The following FBXO11 variants were observed in gnomAD, a reference collection of about 807,000 sequenced individuals.
FBXO11 encodes the protein F-box protein 11, also known as F-box only protein 11.
Under a neutral mutation model 117.0 loss-of-function variants are expected in FBXO11, and 13 were observed. The observed-to-expected ratio is 0.11, with a 90% confidence interval of 0.07 to 0.18. FBXO11 has a LOEUF of 0.18. Ranked by LOEUF, FBXO11 falls within the 10% of genes least tolerant of loss-of-function variation. The pLI, the probability that FBXO11 is intolerant of heterozygous loss-of-function variation, is 1.00. For missense variants in FBXO11, 767 were observed against 1,164.4 expected, an observed-to-expected ratio of 0.66 and a Z score of 4.97; for synonymous variants, 490 against 380.5, an observed-to-expected ratio of 1.29 and a Z score of -3.35.
chr2:47,820,545 A>C (rs1390140741), intron 13 of FBXO11, 89 bp from the exon 14 acceptor site: 1 of 954,214 alleles, frequency 1.0e-6, no homozygotes, highest in African/African-American at 1.6e-5. Context: ...TAAAATTCTT[A>C]CACTAGAATT....
chr2:47,836,642 T>C (rs984198009), intron 4 of FBXO11, among the ~76,000 whole-genome samples: 1 of 151,600 alleles, frequency 6.6e-6, no homozygotes, highest in African/African-American at 2.4e-5. Flanking sequence ...GCAAAAATTT[T>C]CACAATGTAA....
intron 1 of FBXO11, among the ~76,000 whole-genome samples, chr2:47,892,574 C>T (rs1007365227): frequency 6.6e-6 from 1 of 152,172 alleles, no homozygotes; most frequent in Non-Finnish European, 1.5e-5. Flanking sequence ...AATGCAGAAT[C>T]AGAAAGATTC....
At position 47,832,415 on chromosome 2, in the gene FBXO11, T is replaced by C; in HGVS notation, c.1332A>G (p.Pro444=). ...AGIWVKNHGN[P]IIRRNHIHHG... ...GATGAATATGATTCCGTCTAATAAT[T>C]GGGTTTCCATGATTTTTAACCCAAA... The change falls in exon 11 of 23, where the codon CCA becomes CCG. Residue 444 remains proline, a synonymous_variant. Transcript: ENST00000403359. 1 of 1,613,698 alleles carries C rather than the reference T, an allele frequency of 6.2e-7. No homozygotes were observed. The highest frequency in any genetic ancestry group is 1.7e-4 in the Middle Eastern group (1 of 6,056).
At chr2:47,841,176 C>T (rs1672985682) in intron 1 of FBXO11, among the ~76,000 whole-genome samples, 1 of 151,594 alleles carries the variant, frequency 6.6e-6, no homozygotes, top group African/African-American at 2.4e-5. Flanking sequence ...CCAGCCTGGG[C>T]AACAGAGCAA....
At chr2:47,900,668 G>GTA (rs1437635148) in intron 1 of FBXO11, among the ~76,000 whole-genome samples, 413 of 29,534 alleles carry the variant, frequency 0.014, 2 homozygotes, top group Middle Eastern at 0.05. Flanking sequence ...ACACACGTAC[G>GTA]TATATACACA....
At chr2:47,879,132 T>C (rs531340940) in intron 1 of FBXO11, among the ~76,000 whole-genome samples, 1 of 152,332 alleles carries the variant, frequency 6.6e-6, no homozygotes, top group East Asian at 1.9e-4. Context: ...ATTTTGCCTT[T>C]TTCTTACAGC....
chr2:47,855,687 C>T (rs1397429731), intron 1 of FBXO11, among the ~76,000 whole-genome samples: 3 of 152,052 alleles, frequency 2.0e-5, no homozygotes, highest in Non-Finnish European at 4.4e-5. Flanking sequence ...ACAAAATCAG[C>T]CAGGCATGGT....
chr2:47,847,910 G>A (rs1414001532), intron 1 of FBXO11, among the ~76,000 whole-genome samples: 3 of 151,940 alleles, frequency 2.0e-5, no homozygotes, highest in Non-Finnish European at 2.9e-5. Context: ...GGATCATGAG[G>A]TCAGGAGATT....
intron 1 of FBXO11, among the ~76,000 whole-genome samples, chr2:47,861,151 T>A (rs536616585): frequency 6.6e-6 from 1 of 152,146 alleles, no homozygotes; most frequent in South Asian, 2.1e-4. Context: ...CGCCTGGCCT[T>A]CCCCTATTTT....
intron 1 of FBXO11, among the ~76,000 whole-genome samples, chr2:47,845,537 G>A (rs983796935): frequency 1.3e-5 from 2 of 152,166 alleles, no homozygotes; most frequent in African/African-American, 4.8e-5. Context: ...ACTGTGATAA[G>A]CAGCAAAACA....
chr2:47,875,663 G>C (rs917940563), intron 1 of FBXO11, among the ~76,000 whole-genome samples: 1 of 152,060 alleles, frequency 6.6e-6, no homozygotes, highest in Non-Finnish European at 1.5e-5. Context: ...CTGTAAGATA[G>C]AATAATTTTT....
rs1336568217 is a variant in FBXO11 at position 47,807,052 on chromosome 2, A to G, written c.*1066T>C. On this transcript the variant is annotated 3_prime_UTR_variant, in exon 23 of 23. Coordinates refer to ENST00000403359, the MANE Select transcript of FBXO11 (RefSeq NM_001190274.2). ...ATACTCCACAATATATTAAGTCTAG[A>G]TGTTATGGTACATGCATACACTTTC... 3.4e-6 allele frequency: 2 copies of G among 595,594 alleles called. No individual in the cohort carries two copies. The highest frequency in any genetic ancestry group is 1.9e-5 in the African/African-American group (1 of 53,756). The allele number at this position is 595,594 out of a possible 1,614,324, so 36.9% of individuals were successfully genotyped here.
chr2:47,874,758 C>G (rs1261391033), intron 1 of FBXO11, among the ~76,000 whole-genome samples: 2 of 152,098 alleles, frequency 1.3e-5, no homozygotes, highest in East Asian at 3.8e-4. Flanking sequence ...TGGTCTCTAA[C>G]TCCTGGCCTC....
chr2:47,822,939 T>C (rs1433430959), intron 12 of FBXO11, among the ~76,000 whole-genome samples: 2 of 152,184 alleles, frequency 1.3e-5, no homozygotes, highest in Non-Finnish European at 2.9e-5. Context: ...TTTATATCAC[T>C]AATAAAAAGA....
chr2:47,906,471 T>C lies in FBXO11; in HGVS notation c.-751A>G, dbSNP rs917665164. Among the ~76,000 whole-genome samples the C allele has an allele frequency of 3.9e-4, 59 of 151,764 alleles. No homozygotes were observed. Among genetic ancestry groups the C allele is most frequent in the African/African-American group, 1.4e-3 (56 of 41,418 alleles). On this transcript the variant is annotated 5_prime_UTR_variant, in exon 1 of 23. An upstream start codon of the reference 5' UTR is lost. Coordinates refer to ENST00000403359, the MANE Select transcript of FBXO11 (RefSeq NM_001190274.2). ...TGCTGCTCCGTGGCAGGAGGAGCCA[T>C]TGACACCGCCGGAGCCTCCACTCGC...
At chr2:47,814,681 C>A (rs937410572) in intron 16 of FBXO11, among the ~76,000 whole-genome samples, 1 of 152,128 alleles carries the variant, frequency 6.6e-6, no homozygotes, top group Admixed American at 6.6e-5. Context: ...ACCTGACCAA[C>A]TGGCAATCTC....
chr2:47,897,468 G>C (rs893217791), intron 1 of FBXO11, among the ~76,000 whole-genome samples: 1 of 152,068 alleles, frequency 6.6e-6, no homozygotes, highest in African/African-American at 2.4e-5. Context: ...AGGCTTAGGC[G>C]GGCAGATCAC....
At chr2:47,855,799 T>C (rs1674246674) in intron 1 of FBXO11, among the ~76,000 whole-genome samples, 1 of 149,250 alleles carries the variant, frequency 6.7e-6, no homozygotes, top group East Asian at 2.0e-4. Context: ...GCCATGGCAC[T>C]CCAGCCTGGG....
In FBXO11 at chr2:47,890,044, G is replaced by A. The variant is rs1677146946; in HGVS notation, c.232+15445C>T. Among the ~76,000 whole-genome samples, 3 of 152,280 alleles carry A rather than the reference G, an allele frequency of 2.0e-5. No individual in the cohort carries two copies. In the South Asian group the frequency reaches 6.2e-4, roughly 32 times the overall value. ...TCAGAGTCCCAAATATCAAATTCCT[G>A]GGCTCAAGCAATCCTACTGCCTCAG... On this transcript the variant is annotated intron_variant, in intron 1 of 22. Coordinates refer to ENST00000403359, the MANE Select transcript of FBXO11 (RefSeq NM_001190274.2).
Sources: gnomAD v4.1 joint callset for allele counts (sites outside exome capture counted in the v4.1 genomes callset) on GRCh38, gnomAD v4.1.1 for gene constraint, MANE v1.5 for transcripts, NCBI Gene and HGNC (gene_info 2026-07-23, HGNC 2026-07-21) for gene names.